Variants in NEDD4 observed in about 807,000 individuals in gnomAD.
NEDD4 encodes NEDD4 E3 ubiquitin protein ligase, also known as E3 ubiquitin-protein ligase NEDD4.
A neutral mutation model predicts 144.9 loss-of-function variants in NEDD4; 99 were observed. The observed-to-expected ratio is 0.68, with a 90% CI of 0.58 to 0.81. NEDD4 has a LOEUF of 0.81. Among genes scored for constraint, NEDD4 ranks in the 30% least tolerant of loss-of-function variants. The pLI, the probability that NEDD4 is intolerant of heterozygous loss-of-function variation, is 0.00. For synonymous variants in NEDD4, 318 were observed against 350.6 expected, an observed-to-expected ratio of 0.91 and a Z score of 1.04; for missense variants, 985 against 1,065.9, an observed-to-expected ratio of 0.92 and a Z score of 1.06.
intron 24 of NEDD4, among the ~76,000 whole-genome samples, chr15:55,836,199 T>TAGC (rs2033185112): frequency 1.3e-5 from 2 of 152,166 alleles, no homozygotes; most frequent in South Asian, 4.1e-4. Flanking sequence ...TGTGCTCACC[T>TAGC]AGCACTTTAT....
chr15:55,955,580 CTG>C (rs1226486194), intron 2 of NEDD4, among the ~76,000 whole-genome samples: 1 of 152,066 alleles, frequency 6.6e-6, no homozygotes, highest in Non-Finnish European at 1.5e-5. Flanking sequence ...CTTTCTGTGA[CTG>C]TCTTATTTCA....
At chr15:55,923,216 C>T (rs2036601367) in intron 5 of NEDD4, among the ~76,000 whole-genome samples, 1 of 151,800 alleles carries the variant, frequency 6.6e-6, no homozygotes. Context: ...GAAAACAGGT[C>T]TATAGATTCA....
At chr15:55,916,714 G>A in intron 5 of NEDD4, 3 of 1,614,022 alleles carry the variant, frequency 1.9e-6, no homozygotes, top group East Asian at 2.2e-5. Context: ...GTTGAAATCC[G>A]TGTTGGTCTT....
At chr15:55,906,930 T>C (rs977034314) in intron 5 of NEDD4, among the ~76,000 whole-genome samples, 2 of 151,824 alleles carry the variant, frequency 1.3e-5, no homozygotes, top group African/African-American at 4.8e-5. Context: ...ACCCCATCTC[T>C]ACTAAAAATA....
chr15:55,879,700 C>T (rs1156887010), intron 5 of NEDD4, among the ~76,000 whole-genome samples: 1 of 151,942 alleles, frequency 6.6e-6, no homozygotes, highest in East Asian at 1.9e-4. Context: ...ACCTGTCAAA[C>T]AAGATAGGAG....
In NEDD4 at chr15:55,829,826, G is replaced by A. The variant is rs1400207401; in HGVS notation, c.*71C>T. 46 of 1,190,182 alleles carry A rather than the reference G, an allele frequency of 3.9e-5. No homozygotes were observed. Among genetic ancestry groups the A allele is most frequent in the Middle Eastern group, 4.3e-4 (2 of 4,656 alleles). The allele number at this position is 1,190,182 out of a possible 1,614,324, so 73.7% of individuals were successfully genotyped here. ...AGTGGCCACATTTTAGTAGTTCCCCGGAAAATTTTAAGTCAAGATTTTGGT... is the reference window on the plus strand; with the variant it reads ...AGTGGCCACATTTTAGTAGTTCCCCAGAAAATTTTAAGTCAAGATTTTGGT... On this transcript the variant is annotated 3_prime_UTR_variant, in exon 29 of 29. Coordinates refer to ENST00000435532, the MANE Select transcript of NEDD4 (RefSeq NM_006154.4).
chr15:55,933,003 T>A (rs1323315477), intron 4 of NEDD4, among the ~76,000 whole-genome samples: 3 of 152,222 alleles, frequency 2.0e-5, no homozygotes, highest in Non-Finnish European at 2.9e-5. Flanking sequence ...CCAGTTAGAA[T>A]GGCGATCATT....
chr15:55,976,892 C>T (rs1430841720), intron 1 of NEDD4, among the ~76,000 whole-genome samples: 2 of 152,028 alleles, frequency 1.3e-5, no homozygotes, highest in African/African-American at 2.4e-5. Flanking sequence ...CTTGGCCTCC[C>T]GAAGTGCTGG....
chr15:55,943,198 T>C lies in NEDD4; in HGVS notation c.237+8178A>G, dbSNP rs138375681. Among the ~76,000 whole-genome samples, 450 of 152,274 alleles carry C rather than the reference T, an allele frequency of 3.0e-3. 3 individuals carry two copies. The highest frequency in any genetic ancestry group is 0.01 in the African/African-American group (426 of 41,564). ...TTATATTTAAAAGGAAAGCAGAGCA[T>C]AAAAGTTGGGAATATGTGCAGCCTG... On this transcript the variant is annotated intron_variant, in intron 4 of 28. Coordinates refer to ENST00000435532, the MANE Select transcript of NEDD4 (RefSeq NM_006154.4).
intron 1 of NEDD4, 122 bp downstream of exon 1, chr15:55,993,389 G>A: frequency 1.6e-6 from 2 of 1,278,876 alleles, no homozygotes; most frequent in Non-Finnish European, 2.1e-6. Flanking sequence ...CCCCAGGCTC[G>A]CGCCGAGGGA....
intron 5 of NEDD4, among the ~76,000 whole-genome samples, chr15:55,886,242 A>G (rs2035382673): frequency 6.6e-6 from 1 of 152,192 alleles, no homozygotes; most frequent in Non-Finnish European, 1.5e-5. Context: ...ACCCCAATAC[A>G]ATTATAGCTT....
intron 18 of NEDD4, among the ~76,000 whole-genome samples, chr15:55,846,390 A>T (rs1017462948): frequency 2.0e-5 from 3 of 152,238 alleles, no homozygotes; most frequent in African/African-American, 7.2e-5. Context: ...GGAATGAAAC[A>T]GATGGCCAGA....
chr15:55,911,026 G>A (rs540636641), intron 5 of NEDD4, among the ~76,000 whole-genome samples: 9 of 151,834 alleles, frequency 5.9e-5, no homozygotes, highest in South Asian at 2.1e-4. Flanking sequence ...GCAGATCACC[G>A]CCTCCCACAT....
intron 2 of NEDD4, among the ~76,000 whole-genome samples, chr15:55,953,949 T>G (rs1391308268): frequency 6.6e-6 from 1 of 152,192 alleles, no homozygotes; most frequent in East Asian, 1.9e-4. Context: ...CTCAATCTCT[T>G]GACCTCGTGA....
At chr15:55,912,967 G>C (rs1299474135) in intron 5 of NEDD4, among the ~76,000 whole-genome samples, 8 of 152,084 alleles carry the variant, frequency 5.3e-5, no homozygotes, top group African/African-American at 1.7e-4. Context: ...CAGTGTCCCA[G>C]ATACAGGTAA....
At chr15:55,959,179 T>C (rs2037386968) in intron 2 of NEDD4, among the ~76,000 whole-genome samples, 1 of 152,142 alleles carries the variant, frequency 6.6e-6, no homozygotes, top group Admixed American at 6.6e-5. Context: ...CCTCTGAATA[T>C]AACTTTAGCT....
intron 4 of NEDD4, among the ~76,000 whole-genome samples, chr15:55,948,726 G>T (rs2037173311): frequency 6.6e-6 from 1 of 152,268 alleles, no homozygotes; most frequent in African/African-American, 2.4e-5. Flanking sequence ...TTTAATAAAT[G>T]GTGCTGGGAA....
chr15:55,959,644 T>C (rs1021828852), intron 2 of NEDD4, among the ~76,000 whole-genome samples: 3 of 152,226 alleles, frequency 2.0e-5, no homozygotes, highest in African/African-American at 7.2e-5. Flanking sequence ...TTACATTACA[T>C]AAGATTGTAA....
At chr15:55,923,659 A>T (rs12102259) in intron 5 of NEDD4, among the ~76,000 whole-genome samples, 23,595 of 135,082 alleles carry the variant, frequency 0.17, 2,178 homozygotes, top group Non-Finnish European at 0.2. Flanking sequence ...AAAAAAAAAA[A>T]ATATATATAT....
Sources: gnomAD v4.1 joint callset for allele counts (sites outside exome capture counted in the v4.1 genomes callset) on GRCh38, gnomAD v4.1.1 for gene constraint, MANE v1.5 for transcripts, NCBI Gene and HGNC (gene_info 2026-07-23, HGNC 2026-07-21) for gene names.